Variants in TSHZ2 observed in about 807,000 individuals in gnomAD.
The protein encoded by TSHZ2 is teashirt zinc finger homeobox 2.
In TSHZ2, 21 loss-of-function variants were observed where a neutral mutation model predicts 74.4. The ratio of observed to expected loss-of-function variants is 0.28; its 90% CI spans 0.20 to 0.41. The LOEUF (loss-of-function observed/expected upper bound fraction) is 0.41. Ranked by LOEUF, TSHZ2 falls within the 10% of genes least tolerant of loss-of-function variation. TSHZ2 has a pLI of 1.00. For synonymous variants in TSHZ2, 540 were observed against 515.3 expected (o/e 1.05, Z -0.65); for missense variants, 1,244 against 1,293.5 (o/e 0.96, Z 0.59).
chr20:53,017,558 G>A (rs565240723), intron 1 of TSHZ2, among the ~76,000 whole-genome samples: 170 of 151,048 alleles, frequency 1.1e-3, no homozygotes, highest in Non-Finnish European at 1.9e-3. Context: ...GAATTTTTAA[G>A]TTTAAAAATA....
chr20:53,065,029 A>C (rs1016925820), intron 1 of TSHZ2, among the ~76,000 whole-genome samples: 5 of 152,230 alleles, frequency 3.3e-5, no homozygotes, highest in Admixed American at 1.3e-4. Flanking sequence ...GTTAAATTCG[A>C]AAATCGGTAC....
At chr20:53,366,603 T>G (rs1458430178) in intron 2 of TSHZ2, among the ~76,000 whole-genome samples, 4 of 152,178 alleles carry the variant, frequency 2.6e-5, no homozygotes, top group Non-Finnish European at 5.9e-5. Context: ...GCAAGAGGCT[T>G]TCCCTTGTAA....
At chr20:53,387,710 C>T (rs1347614161) in intron 2 of TSHZ2, among the ~76,000 whole-genome samples, 3 of 152,146 alleles carry the variant, frequency 2.0e-5, no homozygotes, top group Admixed American at 1.3e-4. Context: ...GTTGAGGTGA[C>T]TCTCAGGTGG....
intron 2 of TSHZ2, among the ~76,000 whole-genome samples, chr20:53,300,603 A>C (rs1301475784): frequency 6.6e-6 from 1 of 152,114 alleles, no homozygotes. Flanking sequence ...TTCCCCCTCC[A>C]TGTCATCCTT....
At chr20:53,473,380 C>A (rs1344533884) in intron 2 of TSHZ2, among the ~76,000 whole-genome samples, 1 of 142,358 alleles carries the variant, frequency 7.0e-6, no homozygotes, top group African/African-American at 2.7e-5. Context: ...CTGGCAGGCA[C>A]CCCCCAGCAG....
Position 53,256,337 on chromosome 20 carries a change from C to T in TSHZ2, c.2879C>T (p.Ser960Leu), listed in dbSNP as rs1005856209. Residue 960 changes from serine (S) to leucine (L), a missense_variant, in exon 2 of 3, where the codon TCA becomes TTA. Ser to Leu is a moderately radical substitution (Grantham distance 145). Transcript: ENST00000371497. This position sits in a 1 kb window ranked among gnomAD's most constrained non-coding sequence, Gnocchi z 4.3. ...CAAATGAAGGACATGACCCGCTTGTCAGTGGACCAGCAAAGCAAGGTGGAG... is the reference window on the plus strand; with the variant it reads ...CAAATGAAGGACATGACCCGCTTGTTAGTGGACCAGCAAAGCAAGGTGGAG... The part of the protein sequence containing the change: ...GFQMKDMTRL[S>L]VDQQSKVEQE... The T allele has an allele frequency of 1.2e-6, 2 of 1,613,622 alleles. No homozygotes were observed. Among genetic ancestry groups the T allele is most frequent in the Admixed American group, 3.3e-5 (2 of 59,998 alleles).
intron 2 of TSHZ2, among the ~76,000 whole-genome samples, chr20:53,270,424 C>A (rs1242910025): frequency 6.6e-6 from 1 of 152,128 alleles, no homozygotes; most frequent in Non-Finnish European, 1.5e-5. Flanking sequence ...TATGATTGCA[C>A]CCAGCTTACA....
chr20:53,453,946 A>G (rs1233840742), intron 2 of TSHZ2, among the ~76,000 whole-genome samples: 1 of 152,222 alleles, frequency 6.6e-6, no homozygotes, highest in African/African-American at 2.4e-5. Context: ...TACTTGGGTC[A>G]AGAGCCTTTT....
chr20:53,082,337 G>GT (rs1237773233), intron 1 of TSHZ2, among the ~76,000 whole-genome samples: 13 of 152,168 alleles, frequency 8.5e-5, no homozygotes, highest in Non-Finnish European at 1.9e-4. Context: ...GTTTTACTCA[G>GT]TAGGTGGTCG....
chr20:53,463,380 G>GAGGAAGGA (rs3042220), intron 2 of TSHZ2, among the ~76,000 whole-genome samples: 1,764 of 68,578 alleles, frequency 0.026, 47 homozygotes, highest in Middle Eastern at 0.044. Context: ...CAGAGAGAGA[G>GAGGAAGGA]AGGAAGGAAG....
chr20:53,477,898 G>GAC (rs1425190580), intron 2 of TSHZ2, among the ~76,000 whole-genome samples: 2 of 151,242 alleles, frequency 1.3e-5, no homozygotes, highest in Admixed American at 1.3e-4. Context: ...GCAGCCAACA[G>GAC]ACACCTGAAA....
intron 2 of TSHZ2, among the ~76,000 whole-genome samples, chr20:53,379,994 A>G (rs1981797901): frequency 6.6e-6 from 1 of 152,230 alleles, no homozygotes; most frequent in Non-Finnish European, 1.5e-5. Context: ...CATCCTGCCA[A>G]AAACTAGTTT....
At chr20:53,050,103 G>GTATGTATATATATATA (rs1422702818) in intron 1 of TSHZ2, among the ~76,000 whole-genome samples, 2 of 116,068 alleles carry the variant, frequency 1.7e-5, no homozygotes, top group African/African-American at 3.9e-5. Context: ...GTATATGTGT[G>GTATGTATATATATATA]TATATATATA....
intron 2 of TSHZ2, among the ~76,000 whole-genome samples, chr20:53,424,165 T>C (rs1983580456): frequency 6.6e-6 from 1 of 152,224 alleles, no homozygotes; most frequent in South Asian, 2.1e-4. Flanking sequence ...AGCTGTCCTG[T>C]AGGATATTTG....
At chr20:53,468,250 A>T (rs1985620865) in intron 2 of TSHZ2, among the ~76,000 whole-genome samples, 1 of 152,082 alleles carries the variant, frequency 6.6e-6, no homozygotes, top group Non-Finnish European at 1.5e-5. Flanking sequence ...AGCAGTTAAG[A>T]CTCCATAATC....
In TSHZ2 at chr20:53,367,662, C is replaced by G. The variant is rs144868087; in HGVS notation, c.*8+111091C>G. 2.6e-3 allele frequency among the ~76,000 whole-genome samples: 390 copies of G among 152,122 alleles called. 3 individuals carry two copies. The highest frequency in any genetic ancestry group is 8.9e-3 in the African/African-American group (371 of 41,540). ...CTCGGCTCACTGCAAGCTCCGCCTT[C>G]TGGGTTCAAGCCATTCTCCTGCCTC... On this transcript the variant is annotated intron_variant, in intron 2 of 2. Coordinates refer to ENST00000371497, the MANE Select transcript of TSHZ2 (RefSeq NM_173485.6).
At chr20:53,419,502 G>A (rs1336064695) in intron 2 of TSHZ2, among the ~76,000 whole-genome samples, 1 of 152,152 alleles carries the variant, frequency 6.6e-6, no homozygotes, top group Admixed American at 6.5e-5. Flanking sequence ...CCTAAGTGGA[G>A]GGTCCATTAT....
Position 53,314,021 on chromosome 20 carries a change from T to C in TSHZ2, c.*8+57450T>C, listed in dbSNP as rs1019658673. 3.3e-5 allele frequency among the ~76,000 whole-genome samples: 5 copies of C among 152,042 alleles called. No individual in the cohort carries two copies. In the East Asian group the frequency reaches 9.6e-4, roughly 29 times the overall value. ...GACCACTCGATAAATTGAAATACGA[T>C]GCTGGCCAGGCACGGAGGCACTTTG... On this transcript the variant is annotated intron_variant, in intron 2 of 2. Coordinates refer to ENST00000371497, the MANE Select transcript of TSHZ2 (RefSeq NM_173485.6).
intron 2 of TSHZ2, among the ~76,000 whole-genome samples, chr20:53,269,394 G>A (rs932695487): frequency 6.6e-6 from 1 of 152,180 alleles, no homozygotes; most frequent in Non-Finnish European, 1.5e-5. Flanking sequence ...AGAAAAAATG[G>A]AATGTAGCAT....
Sources: gnomAD v4.1 joint callset for allele counts (sites outside exome capture counted in the v4.1 genomes callset) on GRCh38, gnomAD v4.1.1 for gene constraint, Gnocchi (gnomAD v3.1) non-coding constraint, MANE v1.5 for transcripts, NCBI Gene and HGNC (gene_info 2026-07-23, HGNC 2026-07-21) for gene names.